The following PRKACB variants were observed in gnomAD, a reference collection of about 807,000 sequenced individuals.
The protein encoded by PRKACB is cAMP-dependent protein kinase catalytic subunit beta.
A neutral mutation model predicts 51.4 loss-of-function variants in PRKACB; 16 were observed. That is an observed-to-expected ratio of 0.31 (90% CI 0.21 to 0.47). The LOEUF is 0.47. PRKACB is among the 20% of genes least tolerant of loss of function. The pLI is 1.00. For synonymous variants in PRKACB, 147 were observed against 154.4 expected, an observed-to-expected ratio of 0.95 and a Z score of 0.35; for missense variants, 309 against 464.5, an observed-to-expected ratio of 0.67 and a Z score of 3.08.
intron 9 of PRKACB, among the ~76,000 whole-genome samples, chr1:84,222,340 G>A (rs1221082180): frequency 6.6e-6 from 1 of 152,004 alleles, no homozygotes; most frequent in Admixed American, 6.5e-5. Flanking sequence ...TTTGTAAGCA[G>A]CATATAGTTA....
At chr1:84,164,838 G>T in intron 1 of PRKACB, 1 of 1,382,876 alleles carries the variant, frequency 7.2e-7, no homozygotes, top group Non-Finnish European at 9.4e-7. Context: ...TTGCTTCTAG[G>T]GGCTTCTCTT....
chr1:84,136,062 C>A (rs930332721), intron 1 of PRKACB, among the ~76,000 whole-genome samples: 1 of 151,920 alleles, frequency 6.6e-6, no homozygotes, highest in African/African-American at 2.4e-5. Context: ...AAAGATGGAT[C>A]TTCTTCACTG....
At chr1:84,078,242 G>A (rs1365271753) in exon 1 of PRKACB, 1 of 1,480,758 alleles carries the variant, frequency 6.8e-7, no homozygotes, top group Non-Finnish European at 9.2e-7. Context: ...GTGCAGACGC[G>A]GGAGTTGTCC....
At chr1:84,207,617 G>C (rs1258842786) in intron 8 of PRKACB, among the ~76,000 whole-genome samples, 3 of 152,088 alleles carry the variant, frequency 2.0e-5, no homozygotes, top group Non-Finnish European at 4.4e-5. Context: ...CATGCTCGTA[G>C]CCAGTAGTTA....
intron 1 of PRKACB, among the ~76,000 whole-genome samples, chr1:84,136,983 C>A (rs1374559978): frequency 6.6e-6 from 1 of 152,070 alleles, no homozygotes; most frequent in Non-Finnish European, 1.5e-5. Flanking sequence ...AAAATCTGAT[C>A]TTTTTATAAG....
chr1:84,228,339 G>A (rs1220428377), intron 9 of PRKACB, among the ~76,000 whole-genome samples: 1 of 152,182 alleles, frequency 6.6e-6, no homozygotes, highest in African/African-American at 2.4e-5. Context: ...GGAGAATCAT[G>A]AATATGAAAC....
intron 5 of PRKACB, among the ~76,000 whole-genome samples, chr1:84,188,170 T>G (rs1056911144): frequency 6.6e-6 from 1 of 151,170 alleles, no homozygotes; most frequent in African/African-American, 2.4e-5. Flanking sequence ...GCTAAAGAGA[T>G]AAGTTTTTTT....
intron 8 of PRKACB, chr1:84,205,059 T>A: frequency 5.1e-6 from 5 of 982,898 alleles, no homozygotes; most frequent in Non-Finnish European, 6.0e-6. Flanking sequence ...AATATTCTGT[T>A]TTCCCCTTCA....
chr1:84,176,188 A>G (rs537926051), intron 1 of PRKACB, among the ~76,000 whole-genome samples: 1 of 151,970 alleles, frequency 6.6e-6, no homozygotes, highest in South Asian at 2.1e-4. Flanking sequence ...TAAGTAAACT[A>G]AATAATTGAG....
At chr1:84,115,716 C>T (rs573478462) in intron 1 of PRKACB, among the ~76,000 whole-genome samples, 4 of 151,786 alleles carry the variant, frequency 2.6e-5, no homozygotes, top group African/African-American at 9.7e-5. Context: ...AACCCTTTCT[C>T]TACTAAAAAT....
intron 5 of PRKACB, among the ~76,000 whole-genome samples, chr1:84,195,710 C>T (rs1428010618): frequency 6.6e-6 from 1 of 151,878 alleles, no homozygotes; most frequent in Non-Finnish European, 1.5e-5. Context: ...GTCAGGTATT[C>T]GAGACCAGCC....
At chr1:84,088,103 A>G (rs1648161937) in intron 1 of PRKACB, among the ~76,000 whole-genome samples, 1 of 152,168 alleles carries the variant, frequency 6.6e-6, no homozygotes, top group South Asian at 2.1e-4. Flanking sequence ...GGATTCTTAT[A>G]AGTTAAATTG....
chr1:84,104,218 G>A (rs1434879592), intron 1 of PRKACB, among the ~76,000 whole-genome samples: 1 of 152,092 alleles, frequency 6.6e-6, no homozygotes, highest in Admixed American at 6.6e-5. Context: ...ATATGGGTGA[G>A]AACATATGGT....
At chr1:84,112,243 T>G (rs1005873031) in intron 1 of PRKACB, among the ~76,000 whole-genome samples, 5 of 149,444 alleles carry the variant, frequency 3.3e-5, no homozygotes, top group Non-Finnish European at 7.4e-5. Context: ...TTTTTTTTTT[T>G]TTTGTTTGAT....
At chr1:84,181,536 T>C in intron 2 of PRKACB, 1 of 505,352 alleles carries the variant, frequency 2.0e-6, no homozygotes, top group East Asian at 3.5e-5. Flanking sequence ...AGAGTCTGAT[T>C]ATTGTTCTGG....
At chr1:84,086,653 A>G (rs560077244) in intron 1 of PRKACB, among the ~76,000 whole-genome samples, 1 of 152,348 alleles carries the variant, frequency 6.6e-6, no homozygotes, top group African/African-American at 2.4e-5. Context: ...ACTAGTGAGA[A>G]TAATTTATAA....
At chr1:84,227,647 A>G (rs747908199) in intron 9 of PRKACB, among the ~76,000 whole-genome samples, 1 of 152,220 alleles carries the variant, frequency 6.6e-6, no homozygotes, top group Non-Finnish European at 1.5e-5. Context: ...TATCCCAGGT[A>G]GTAAACAGGT....
rs1676544197 is a variant in PRKACB, at chr1:84,235,212, C to A, written c.1104C>A (p.Gly368=). 2 of 1,613,882 alleles carry A rather than the reference C, an allele frequency of 1.2e-6. No individual in the cohort carries two copies. The highest frequency in any genetic ancestry group is 2.2e-5 in the South Asian group (2 of 91,072). The change falls in exon 10 of 10, where the codon GGC becomes GGA. Residue 368 remains glycine (G), a synonymous_variant. Coordinates refer to ENST00000370685, the MANE Select transcript of PRKACB (RefSeq NM_182948.4). ...VEAPFIPKFR[G]SGDTSNFDDY... is the part of the protein sequence containing the mutation. Reference sequence around the variant, plus strand: ...CTCCATTCATACCAAAGTTTAGAGGCTCTGGAGATACCAGCAACTTTGATG... The same window carrying A: ...CTCCATTCATACCAAAGTTTAGAGGATCTGGAGATACCAGCAACTTTGATG...
At chr1:84,118,685 G>A (rs965364568) in intron 1 of PRKACB, among the ~76,000 whole-genome samples, 6 of 151,966 alleles carry the variant, frequency 3.9e-5, no homozygotes, top group Admixed American at 6.6e-5. Flanking sequence ...TCCCCACCAA[G>A]GACACTGACC....
Sources: allele counts gnomAD v4.1 joint callset (sites outside exome capture counted in the v4.1 genomes callset), GRCh38; gene constraint gnomAD v4.1.1; transcripts MANE v1.5; gene names NCBI Gene and HGNC (gene_info 2026-07-23, HGNC 2026-07-21).